Variants in TMEM178B observed in about 807,000 individuals in gnomAD.
TMEM178B encodes the protein transmembrane protein 178B.
In TMEM178B, 5 loss-of-function variants were observed where a neutral mutation model predicts 31.0. That is an observed-to-expected ratio of 0.16 (90% CI 0.08 to 0.34). The LOEUF (loss-of-function observed/expected upper bound fraction) is 0.34, where lower values mean the gene tolerates loss of function less well. Ranked by LOEUF, TMEM178B falls within the 10% of genes least tolerant of loss-of-function variation. The pLI is 1.00. For synonymous variants in TMEM178B, 164 were observed against 164.0 expected, an observed-to-expected ratio of 1.00 and a Z score of 0.00; for missense variants, 275 against 400.3, an observed-to-expected ratio of 0.69 and a Z score of 2.67.
intron 2 of TMEM178B, among the ~76,000 whole-genome samples, chr7:141,245,275 G>A (rs1310658075): frequency 6.8e-6 from 1 of 146,924 alleles, no homozygotes; most frequent in Non-Finnish European, 1.5e-5. Context: ...CCAGGAGTGA[G>A]AAGGTTTCGC....
intron 2 of TMEM178B, among the ~76,000 whole-genome samples, chr7:141,293,692 C>T (rs770032708): frequency 1.6e-4 from 24 of 152,176 alleles, no homozygotes; most frequent in Non-Finnish European, 3.5e-4. Context: ...TGATGAACAA[C>T]AGAGGTTCTC....
chr7:141,126,856 AGTGT>A (rs10600930), intron 1 of TMEM178B, among the ~76,000 whole-genome samples: 7,403 of 145,586 alleles, frequency 0.051, 499 homozygotes, highest in African/African-American at 0.16. Context: ...ATCTTCTCAA[AGTGT>A]GTGTGTGTGT....
chr7:141,436,038 G>A (rs527708935), intron 2 of TMEM178B, among the ~76,000 whole-genome samples: 3 of 152,144 alleles, frequency 2.0e-5, no homozygotes, highest in Non-Finnish European at 4.4e-5. Flanking sequence ...CCCTGGCCGG[G>A]GGCTGTCAGT....
chr7:141,288,195 CT>C (rs35802402), intron 2 of TMEM178B, among the ~76,000 whole-genome samples: 54,954 of 149,544 alleles, frequency 0.37, 10,893 homozygotes, highest in Non-Finnish European at 0.45. Context: ...TGCCTCTACT[CT>C]TTTTTTTTTT....
intron 1 of TMEM178B, among the ~76,000 whole-genome samples, chr7:141,149,377 T>C (rs1350471530): frequency 1.3e-5 from 2 of 152,144 alleles, no homozygotes; most frequent in African/African-American, 2.4e-5. Context: ...AAACCCCATC[T>C]CTACTAAAAA....
chr7:141,493,082 C>G, the TMEM178B span, among the ~76,000 whole-genome samples: 3 of 152,270 alleles, frequency 2.0e-5, no homozygotes, highest in African/African-American at 7.2e-5. Flanking sequence ...CCATCTTGCT[C>G]TTGACCAGCC....
At chr7:141,343,698 C>T (rs186189277) in intron 2 of TMEM178B, among the ~76,000 whole-genome samples, 353 of 152,002 alleles carry the variant, frequency 2.3e-3, no homozygotes, top group African/African-American at 7.3e-3. Context: ...TACAGGCGCC[C>T]GCCACCAAGC....
chr7:141,116,847 C>T (rs1477871922), intron 1 of TMEM178B, among the ~76,000 whole-genome samples: 2 of 152,186 alleles, frequency 1.3e-5, no homozygotes, highest in East Asian at 3.8e-4. Context: ...GACATGAACT[C>T]ATGCTTTTTT....
intron 2 of TMEM178B, among the ~76,000 whole-genome samples, chr7:141,258,899 C>G (rs1156759222): frequency 6.6e-6 from 1 of 152,098 alleles, no homozygotes; most frequent in Non-Finnish European, 1.5e-5. Flanking sequence ...TTCCCTTTAT[C>G]TTTGGCTTTT....
chr7:141,409,002 G>T (rs1270538152), intron 2 of TMEM178B, among the ~76,000 whole-genome samples: 1 of 152,166 alleles, frequency 6.6e-6, no homozygotes, highest in Non-Finnish European at 1.5e-5. Context: ...GAGAGAAAAG[G>T]CCAGGGGGCA....
intron 3 of TMEM178B, among the ~76,000 whole-genome samples, chr7:141,443,300 C>T (rs2116691291): frequency 6.6e-6 from 1 of 152,300 alleles, no homozygotes; most frequent in South Asian, 2.1e-4. Flanking sequence ...CCAACGGCCC[C>T]AGCTGACTCC....
intron 1 of TMEM178B, among the ~76,000 whole-genome samples, chr7:141,188,489 G>A (rs928679509): frequency 2.0e-5 from 3 of 152,206 alleles, no homozygotes; most frequent in Admixed American, 6.5e-5. Flanking sequence ...GATGTAGGAC[G>A]AAACTGAGTC....
At chr7:141,125,665 G>C (rs1795480115) in intron 1 of TMEM178B, among the ~76,000 whole-genome samples, 1 of 145,668 alleles carries the variant, frequency 6.9e-6, no homozygotes, top group Admixed American at 6.9e-5. Flanking sequence ...GGGTGACAGA[G>C]TGAGACTCCA....
intron 2 of TMEM178B, among the ~76,000 whole-genome samples, chr7:141,219,123 C>T (rs969444331): frequency 1.3e-4 from 20 of 152,174 alleles, no homozygotes; most frequent in Non-Finnish European, 2.4e-4. Flanking sequence ...TCGACGTTTC[C>T]TCCCAGGAGT....
intron 2 of TMEM178B, among the ~76,000 whole-genome samples, chr7:141,388,928 A>G (rs1397615364): frequency 6.6e-6 from 1 of 152,364 alleles, no homozygotes; most frequent in South Asian, 2.1e-4. Context: ...ACTCATCTGC[A>G]TGAGTAGTAT....
At chr7:141,084,707 T>G (rs1432112175) in intron 1 of TMEM178B, among the ~76,000 whole-genome samples, 3 of 152,190 alleles carry the variant, frequency 2.0e-5, no homozygotes, top group South Asian at 2.1e-4. Flanking sequence ...CTGCCACCCC[T>G]GCTTGTCCCC....
intron 2 of TMEM178B, among the ~76,000 whole-genome samples, chr7:141,326,405 A>C (rs116284851): frequency 1.3e-5 from 2 of 152,202 alleles, no homozygotes; most frequent in African/African-American, 4.8e-5. Flanking sequence ...CTTATTACTC[A>C]TGATAATACA....
At chr7:141,116,209 G>A (rs1795316115) in intron 1 of TMEM178B, among the ~76,000 whole-genome samples, 1 of 152,122 alleles carries the variant, frequency 6.6e-6, no homozygotes, top group Non-Finnish European at 1.5e-5. Context: ...GTTCTCATTA[G>A]CCAGAGACAA....
chr7:141,343,742 G>T (rs1799559915), intron 2 of TMEM178B, among the ~76,000 whole-genome samples: 1 of 151,982 alleles, frequency 6.6e-6, no homozygotes, highest in South Asian at 2.1e-4. Flanking sequence ...GTAGAGGTGG[G>T]GTTTCACTGT....
Sources: gnomAD v4.1 joint callset for allele counts (sites outside exome capture counted in the v4.1 genomes callset) on GRCh38, gnomAD v4.1.1 for gene constraint, MANE v1.5 for transcripts, NCBI Gene and HGNC (gene_info 2026-07-23, HGNC 2026-07-21) for gene names.